The following CNOT4 variants were observed in gnomAD, a reference collection of about 807,000 sequenced individuals.
The protein encoded by CNOT4 is CCR4-NOT transcription complex subunit 4.
CNOT4 carries 8 observed loss-of-function variants against 73.8 expected under a neutral mutation model. The observed-to-expected ratio is 0.11, with a 90% CI of 0.06 to 0.20. The LOEUF (loss-of-function observed/expected upper bound fraction) is 0.20. Among genes scored for constraint, CNOT4 ranks in the 10% least tolerant of loss-of-function variants. CNOT4 has a pLI of 1.00. For synonymous variants in CNOT4, 293 were observed against 321.1 expected, an observed-to-expected ratio of 0.91 and a Z score of 0.94; for missense variants, 564 against 883.4, an observed-to-expected ratio of 0.64 and a Z score of 4.58.
At chr7:135,507,700 G>A (rs1264539161) in intron 1 of CNOT4, among the ~76,000 whole-genome samples, 1 of 152,130 alleles carries the variant, frequency 6.6e-6, no homozygotes, top group Non-Finnish European at 1.5e-5. Context: ...ATTCAGCCAA[G>A]TATGACTGCC....
chr7:135,457,369 G>C (rs1800604839), intron 1 of CNOT4, among the ~76,000 whole-genome samples: 1 of 151,888 alleles, frequency 6.6e-6, no homozygotes, highest in South Asian at 2.1e-4. Flanking sequence ...TTTATGATTT[G>C]GCTAAGTCAA....
intron 3 of CNOT4, 61 bp from the exon 4 acceptor site, chr7:135,415,323 A>G (rs1797803214): frequency 2.4e-6 from 2 of 834,076 alleles, no homozygotes; most frequent in African/African-American, 3.5e-5. Flanking sequence ...TTATCCTTAT[A>G]ATGGAGACAT....
Position 135,385,517 on chromosome 7 carries a change from G to A in CNOT4, c.1627+8401C>T, listed in dbSNP as rs1401243967. On this transcript the variant is annotated intron_variant, in intron 10 of 11. Coordinates refer to ENST00000541284, the MANE Select transcript of CNOT4 (RefSeq NM_001190850.2). Reference sequence around the variant, plus strand: ...ATGTGCAGAGGTAAAATGCATTAAAGTTGTTTTCTTTAAAGGAACACCTAC... The same window carrying A: ...ATGTGCAGAGGTAAAATGCATTAAAATTGTTTTCTTTAAAGGAACACCTAC... Among the ~76,000 whole-genome samples, 3 of 152,254 alleles carry A rather than the reference G, an allele frequency of 2.0e-5. No individual in the cohort carries two copies. In the East Asian group the frequency reaches 5.8e-4, roughly 29 times the overall value.
chr7:135,385,636 G>GT (rs1209504651), intron 10 of CNOT4, among the ~76,000 whole-genome samples: 1 of 152,106 alleles, frequency 6.6e-6, no homozygotes, highest in Non-Finnish European at 1.5e-5. Flanking sequence ...TCCTAGTAAG[G>GT]TTTTTTCACC....
At chr7:135,470,142 G>C (rs958795893) in intron 1 of CNOT4, among the ~76,000 whole-genome samples, 5 of 150,026 alleles carry the variant, frequency 3.3e-5, no homozygotes, top group African/African-American at 4.9e-5. Context: ...TTTTTGGGGG[G>C]GGAGGCCAGG....
intron 1 of CNOT4, among the ~76,000 whole-genome samples, chr7:135,497,952 A>C (rs1336220808): frequency 2.0e-5 from 3 of 152,246 alleles, no homozygotes; most frequent in Non-Finnish European, 4.4e-5. Flanking sequence ...AATGCATAAA[A>C]ACAGCAAACA....
chr7:135,404,832 C>T (rs934409809), intron 7 of CNOT4, among the ~76,000 whole-genome samples: 1 of 152,202 alleles, frequency 6.6e-6, no homozygotes, highest in African/African-American at 2.4e-5. Flanking sequence ...TGCCACCAAT[C>T]TGTGGCTCAG....
intron 10 of CNOT4, among the ~76,000 whole-genome samples, chr7:135,376,173 T>C (rs1421660229): frequency 6.6e-6 from 1 of 152,150 alleles, no homozygotes; most frequent in African/African-American, 2.4e-5. Context: ...ACTAAATGCT[T>C]CCAAAAGTCC....
intron 1 of CNOT4, among the ~76,000 whole-genome samples, chr7:135,462,766 AG>A (rs1398893220): frequency 7.9e-5 from 12 of 152,230 alleles, no homozygotes; most frequent in Non-Finnish European, 8.8e-5. Flanking sequence ...GTCAAGTCAT[AG>A]GTTTCTATAG....
At chr7:135,375,677 C>A (rs1418954743) in intron 10 of CNOT4, among the ~76,000 whole-genome samples, 10 of 152,150 alleles carry the variant, frequency 6.6e-5, no homozygotes, top group Admixed American at 6.5e-4. Context: ...GTAATCCCAG[C>A]ACTTTGGGAG....
At chr7:135,429,575 C>G (rs181442494) in intron 2 of CNOT4, among the ~76,000 whole-genome samples, 2 of 152,100 alleles carry the variant, frequency 1.3e-5, no homozygotes, top group Non-Finnish European at 2.9e-5. Flanking sequence ...TCAAACATCC[C>G]GAGTCCACTT....
chr7:135,414,572 T>G (rs1355717937), intron 4 of CNOT4, 140 bp from the exon 5 acceptor site: 1 of 527,204 alleles, frequency 1.9e-6, no homozygotes, highest in Non-Finnish European at 3.4e-6. Flanking sequence ...GTAGTGGCAG[T>G]TTTGATTAAA....
At chr7:135,503,658 T>C (rs1207926816) in intron 1 of CNOT4, among the ~76,000 whole-genome samples, 2 of 152,184 alleles carry the variant, frequency 1.3e-5, no homozygotes, top group Non-Finnish European at 2.9e-5. Context: ...TATAACATTT[T>C]CTTTACCCAA....
At chr7:135,449,310 G>A (rs368031210) in intron 1 of CNOT4, among the ~76,000 whole-genome samples, 17 of 152,198 alleles carry the variant, frequency 1.1e-4, no homozygotes, top group African/African-American at 3.9e-4. Flanking sequence ...TTTTGACCTC[G>A]GAAGAGTCTA....
At chr7:135,437,924 C>T (rs1799255992) in intron 2 of CNOT4, among the ~76,000 whole-genome samples, 1 of 152,190 alleles carries the variant, frequency 6.6e-6, no homozygotes, top group Non-Finnish European at 1.5e-5. Flanking sequence ...AAAGGCCAAT[C>T]AGAGAGGTTA....
chr7:135,392,308 A>G (rs1291959907), intron 10 of CNOT4, among the ~76,000 whole-genome samples: 1 of 152,048 alleles, frequency 6.6e-6, no homozygotes, highest in Non-Finnish European at 1.5e-5. Flanking sequence ...AACTTCTTTA[A>G]TATGTCCCAC....
intron 10 of CNOT4, among the ~76,000 whole-genome samples, chr7:135,383,733 C>T (rs1246085243): frequency 6.6e-6 from 1 of 152,184 alleles, no homozygotes; most frequent in Non-Finnish European, 1.5e-5. Context: ...TCACAGTGAC[C>T]ACAGTCTCCT....
chr7:135,508,506 G>A (rs1563090962), intron 1 of CNOT4, among the ~76,000 whole-genome samples: 1 of 152,068 alleles, frequency 6.6e-6, no homozygotes, highest in African/African-American at 2.4e-5. Context: ...TAAAAATGTC[G>A]ATTTTTCTTT....
intron 1 of CNOT4, among the ~76,000 whole-genome samples, chr7:135,495,504 CA>C (rs150007748): frequency 0.37 from 20,426 of 54,684 alleles, 1,652 homozygotes; most frequent in East Asian, 0.58. Flanking sequence ...GACTCTGCCT[CA>C]AAAAAAAAAA....
Sources: allele counts gnomAD v4.1 joint callset (sites outside exome capture counted in the v4.1 genomes callset), GRCh38; gene constraint gnomAD v4.1.1; transcripts MANE v1.5; gene names NCBI Gene and HGNC (gene_info 2026-07-23, HGNC 2026-07-21).